TENM3: variants seen among roughly 807,000 people sequenced by gnomAD.
TENM3 encodes the protein teneurin transmembrane protein 3, also known as teneurin-3.
TENM3 carries 63 observed loss-of-function variants against 255.1 expected under a neutral mutation model. That is an observed-to-expected ratio of 0.25 (90% CI 0.20 to 0.30). TENM3 has a LOEUF of 0.30. TENM3 is among the 10% of genes least tolerant of loss of function. The pLI, the probability that TENM3 is intolerant of heterozygous loss-of-function variation, is 1.00. For synonymous variants in TENM3, 1,306 were observed against 1,322.3 expected (o/e 0.99, Z 0.27); for missense variants, 2,929 against 3,461.1 (o/e 0.85, Z 3.86).
chr4:181,605,584 GGAAAGAAAGAAAGAAA>G, the TENM3 span, among the ~76,000 whole-genome samples: 5 of 69,142 alleles, frequency 7.2e-5, 1 homozygote, highest in African/African-American at 1.2e-4. Flanking sequence ...GAGAAAGAAA[GGAAAGAAAGAAAGAAA>G]GAAAGAAAGA....
At chr4:181,642,821 G>T in the TENM3 span, among the ~76,000 whole-genome samples, 1 of 152,138 alleles carries the variant, frequency 6.6e-6, no homozygotes, top group Non-Finnish European at 1.5e-5. Flanking sequence ...TTGTAGATGT[G>T]CGGTATTATT....
At chr4:181,927,154 G>A in the TENM3 span, among the ~76,000 whole-genome samples, 161 of 152,250 alleles carry the variant, frequency 1.1e-3, 1 homozygote, top group African/African-American at 3.5e-3. Context: ...GAATGCAAGC[G>A]AGACGGAACC....
At chr4:181,948,842 T>A in the TENM3 span, among the ~76,000 whole-genome samples, 11 of 152,166 alleles carry the variant, frequency 7.2e-5, no homozygotes, top group African/African-American at 2.7e-4. Flanking sequence ...TCCCATTTAA[T>A]TTCCACAAAG....
intron 3 of TENM3, among the ~76,000 whole-genome samples, chr4:182,528,478 A>G (rs933746202): frequency 6.6e-6 from 1 of 152,252 alleles, no homozygotes; most frequent in Non-Finnish European, 1.5e-5. Context: ...TGAAGAAAAA[A>G]TAGGCTATTT....
At chr4:182,304,945 C>A (rs577049592) in intron 1 of TENM3, among the ~76,000 whole-genome samples, 1 of 152,140 alleles carries the variant, frequency 6.6e-6, no homozygotes, top group Non-Finnish European at 1.5e-5. Context: ...TTCTTTCTTT[C>A]TCTTTTTTCT....
At chr4:181,513,129 C>G in the TENM3 span, among the ~76,000 whole-genome samples, 1 of 152,024 alleles carries the variant, frequency 6.6e-6, no homozygotes, top group South Asian at 2.1e-4. Flanking sequence ...TCCTCTGAGA[C>G]TTTTTTTGTG....
At chr4:181,957,579 G>A in the TENM3 span, among the ~76,000 whole-genome samples, 1 of 152,110 alleles carries the variant, frequency 6.6e-6, no homozygotes, top group African/African-American at 2.4e-5. Context: ...ATTTAAATGT[G>A]CCAGTATATC....
chr4:182,145,632 GTAAT>G (rs1372087306), intron 1 of TENM3, among the ~76,000 whole-genome samples: 1 of 152,160 alleles, frequency 6.6e-6, no homozygotes, highest in Non-Finnish European at 1.5e-5. Flanking sequence ...CTTGTACCGT[GTAAT>G]ACATCACACA....
chr4:181,563,668 A>G, the TENM3 span, among the ~76,000 whole-genome samples: 39 of 152,326 alleles, frequency 2.6e-4, no homozygotes, highest in Admixed American at 1.4e-3. Flanking sequence ...ATGCAGACAT[A>G]CATTCATTTT....
At chr4:182,129,906 A>C in the TENM3 span, among the ~76,000 whole-genome samples, 1 of 152,150 alleles carries the variant, frequency 6.6e-6, no homozygotes, top group Non-Finnish European at 1.5e-5. Flanking sequence ...ATACATACAC[A>C]AATACATAAG....
chr4:181,884,976 T>C, the TENM3 span, among the ~76,000 whole-genome samples: 1 of 152,322 alleles, frequency 6.6e-6, no homozygotes, highest in East Asian at 1.9e-4. Context: ...TTTTAAATCT[T>C]ATTTTTGTTT....
chr4:182,117,430 T>G, the TENM3 span, among the ~76,000 whole-genome samples: 1 of 152,206 alleles, frequency 6.6e-6, no homozygotes. Flanking sequence ...TTTTATAGTT[T>G]TACACTTTAT....
chr4:181,972,768 A>G, the TENM3 span, among the ~76,000 whole-genome samples: 1 of 152,210 alleles, frequency 6.6e-6, no homozygotes, highest in Non-Finnish European at 1.5e-5. Flanking sequence ...GATCCCAGGG[A>G]CAACATGTGT....
the TENM3 span, among the ~76,000 whole-genome samples, chr4:181,646,347 A>T: frequency 1.3e-5 from 2 of 152,328 alleles, no homozygotes; most frequent in Non-Finnish European, 2.9e-5. Context: ...GGGTCACAGG[A>T]TCTAGGAATC....
intron 3 of TENM3, among the ~76,000 whole-genome samples, chr4:182,580,159 A>C (rs1560954119): frequency 1.3e-5 from 2 of 151,108 alleles, no homozygotes; most frequent in Non-Finnish European, 3.0e-5. Flanking sequence ...GAGTTTAATT[A>C]AAGTAAGTGG....
At chr4:182,199,669 C>T (rs1754056013) in intron 1 of TENM3, among the ~76,000 whole-genome samples, 1 of 149,180 alleles carries the variant, frequency 6.7e-6, no homozygotes, top group Non-Finnish European at 1.5e-5. Context: ...AATCACTTGA[C>T]GTGGTACTAT....
At chr4:181,914,597 A>G in the TENM3 span, among the ~76,000 whole-genome samples, 1 of 152,210 alleles carries the variant, frequency 6.6e-6, no homozygotes, top group Non-Finnish European at 1.5e-5. Context: ...GAATGAATGC[A>G]TAAAATGGCT....
chr4:181,605,902 A>T, the TENM3 span, among the ~76,000 whole-genome samples: 1 of 152,128 alleles, frequency 6.6e-6, no homozygotes, highest in Non-Finnish European at 1.5e-5. Context: ...GCAATTTCCA[A>T]CTCTGAGAGC....
At chr4:182,329,937 C>A (rs972347144) in intron 2 of TENM3, among the ~76,000 whole-genome samples, 2 of 151,918 alleles carry the variant, frequency 1.3e-5, no homozygotes, top group African/African-American at 4.8e-5. Context: ...GGATAAAGAG[C>A]GTTTACAAGG....
Sources: allele counts gnomAD v4.1 joint callset (sites outside exome capture counted in the v4.1 genomes callset), GRCh38; gene constraint gnomAD v4.1.1; transcripts MANE v1.5; gene names NCBI Gene and HGNC (gene_info 2026-07-23, HGNC 2026-07-21).